Variants in MED6 observed in about 807,000 individuals in gnomAD.
MED6 encodes the protein mediator complex subunit 6.
A neutral mutation model predicts 37.5 loss-of-function variants in MED6; 33 were observed. That is an observed-to-expected ratio of 0.88 (90% CI 0.67 to 1.18). The LOEUF is 1.18. Among genes scored for constraint, MED6 ranks in the 50% most tolerant of loss-of-function variants. The pLI is 0.00. For synonymous variants in MED6, 94 were observed against 93.6 expected, an observed-to-expected ratio of 1.00 and a Z score of -0.02; for missense variants, 235 against 290.6, an observed-to-expected ratio of 0.81 and a Z score of 1.39.
intron 3 of MED6, chr14:70,596,386 C>T: frequency 2.5e-6 from 1 of 408,012 alleles, no homozygotes; most frequent in Non-Finnish European, 4.5e-6. Flanking sequence ...TGTCTTTTTC[C>T]AGTACTAATC....
At chr14:70,594,986 G>C in intron 3 of MED6, 1 of 590,788 alleles carries the variant, frequency 1.7e-6, no homozygotes, top group South Asian at 1.4e-5. Context: ...ATCTTCTCAA[G>C]TACTGTGGAC....
intron 3 of MED6, chr14:70,594,622 G>A: frequency 2.4e-6 from 1 of 418,844 alleles, no homozygotes; most frequent in Admixed American, 2.8e-5. Flanking sequence ...CCCAGCTGCG[G>A]CACCCAGCCA....
At chr14:70,590,162 T>C (rs1311153771) in intron 6 of MED6, among the ~76,000 whole-genome samples, 1 of 152,234 alleles carries the variant, frequency 6.6e-6, no homozygotes, top group East Asian at 1.9e-4. Flanking sequence ...TAGTCACATG[T>C]GCCTCGTGGT....
At position 70,597,018 on chromosome 14, in the gene MED6, C is replaced by T. The variant is rs555192353; in HGVS notation, c.183-316G>A. Among the ~76,000 whole-genome samples the T allele has an allele frequency of 9.2e-5, 14 of 152,310 alleles. No homozygotes were observed. The South Asian group carries it at 2.7e-3, about 29-fold the overall frequency. On this transcript the variant is annotated intron_variant, in intron 2 of 7. Coordinates refer to ENST00000256379, the MANE Select transcript of MED6 (RefSeq NM_005466.4). ...AAAAGGCAATCAAAATGCCATGATG[C>T]TTCCTGACCAAATCTACGAATACAT... is the stretch of plus-strand genomic sequence containing the variant.
In MED6 at chr14:70,584,720, G is replaced by C; in HGVS notation, c.*93C>G. ...AAGCGCATTCCATACAAATAAGAAG[G>C]TTACAATAAAGTACTTCAAAGCTCA... is the stretch of plus-strand genomic sequence containing the variant. On this transcript the variant is annotated 3_prime_UTR_variant, in exon 8 of 8. Transcript: ENST00000256379. The C allele has an allele frequency of 1.4e-6, 2 of 1,446,030 alleles. No homozygotes were observed. Among genetic ancestry groups the C allele is most frequent in the Non-Finnish European group, 1.9e-6 (2 of 1,070,648 alleles). 89.6% of individuals were successfully genotyped at this position (1,446,030 alleles called of 1,614,324 possible).
Position 70,600,601 on chromosome 14 carries a change from A to G in MED6, c.22+15T>C. On this transcript the variant is annotated intron_variant, in intron 1 of 7. Transcript: ENST00000256379. ...CACAGACAATCAAGAGACAAAATAT[A>G]GCAATACAGTATACCTCGGATATCC... The G allele has an allele frequency of 6.2e-7, 1 of 1,613,328 alleles. No individual in the cohort carries two copies. Among genetic ancestry groups the G allele is most frequent in the Non-Finnish European group, 8.5e-7 (1 of 1,179,832 alleles).
Position 70,593,005 on chromosome 14 carries a change from A to G in MED6, c.358-17T>C, listed in dbSNP as rs907352746. 12 of 1,612,512 alleles carry G rather than the reference A, an allele frequency of 7.4e-6. No homozygotes were observed. The African/African-American group carries it at 1.5e-4, about 20-fold the overall frequency. On this transcript the variant is annotated splice_polypyrimidine_tract_variant and intron_variant, in intron 4 of 7. Coordinates refer to ENST00000256379, the MANE Select transcript of MED6 (RefSeq NM_005466.4). ...TGCAGTAAGCTTGTAAAAGGAAAAT[A>G]AACTCTAAATTTATCATTAGGTCGA...
At chr14:70,600,229 G>A (rs925039149) in intron 1 of MED6, among the ~76,000 whole-genome samples, 2 of 152,134 alleles carry the variant, frequency 1.3e-5, no homozygotes, top group African/African-American at 4.8e-5. Flanking sequence ...CAGCCACCAT[G>A]CCAAGTCCCA....
chr14:70,590,637 G>A (rs1176568221), intron 6 of MED6, among the ~76,000 whole-genome samples: 1 of 152,198 alleles, frequency 6.6e-6, no homozygotes, highest in Non-Finnish European at 1.5e-5. Flanking sequence ...GACTAGCCAT[G>A]AGAACAGCAT....
intron 2 of MED6, among the ~76,000 whole-genome samples, chr14:70,596,916 T>A (rs1457562823): frequency 6.6e-6 from 1 of 152,186 alleles, no homozygotes; most frequent in Non-Finnish European, 1.5e-5. Context: ...ACAACAAAAT[T>A]TCTCTACAAC....
intron 6 of MED6, 83 bp downstream of exon 6, chr14:70,591,183 T>G (rs55831916): frequency 9.3e-7 from 1 of 1,078,764 alleles, no homozygotes; most frequent in African/African-American, 1.6e-5. Flanking sequence ...TTAGGTCACA[T>G]CTGAAACAGT....
rs56322329 is a variant in MED6 at position 70,584,075 on chromosome 14, T to C, written c.*738A>G. On this transcript the variant is annotated 3_prime_UTR_variant, in exon 8 of 8. Transcript: ENST00000256379. ...GTATTGGTGAGTGAGGTTTTTCCTT[T>C]TCTTCATCTTCCAAAATGTCAGCAA... 23,487 of 629,446 alleles carry C rather than the reference T, an allele frequency of 0.037. 772 individuals are homozygous for C. Among genetic ancestry groups the C allele is most frequent in the African/African-American group, 0.13 (7,013 of 54,936 alleles). 39.0% of individuals were successfully genotyped at this position (629,446 alleles called of 1,614,324 possible). A position where few individuals can be genotyped will look rare whatever the true frequency, so the allele number is the denominator to read the frequency against.
chr14:70,585,864 T>C, intron 6 of MED6, 81 bp from the exon 7 acceptor site: 1 of 1,074,786 alleles, frequency 9.3e-7, no homozygotes, highest in African/African-American at 1.6e-5. Flanking sequence ...TTCTTCTTCC[T>C]GATGTCATAT....
At position 70,584,017 on chromosome 14, in the gene MED6, T is replaced by C; in HGVS notation, c.*796A>G. On this transcript the variant is annotated 3_prime_UTR_variant, in exon 8 of 8. Transcript: ENST00000256379. ...TCTACACACAGAATAAGATTAAAAT[T>C]CACAACACTGTTACAGTATTTATAG... is the stretch of plus-strand genomic sequence containing the variant. The C allele has an allele frequency of 2.2e-6, 1 of 464,628 alleles. No homozygotes were observed. The highest frequency in any genetic ancestry group is 3.8e-6 in the Non-Finnish European group (1 of 263,332). The allele number at this position is 464,628 out of a possible 1,614,324, so 28.8% of individuals were successfully genotyped here.
chr14:70,588,701 A>C (rs1343103824), intron 6 of MED6, among the ~76,000 whole-genome samples: 2 of 71,596 alleles, frequency 2.8e-5, no homozygotes, highest in African/African-American at 3.4e-4. Context: ...TAATAATAAT[A>C]ATAATAATAA....
intron 2 of MED6, among the ~76,000 whole-genome samples, chr14:70,597,360 G>A (rs867629886): frequency 6.6e-6 from 1 of 152,168 alleles, no homozygotes; most frequent in Non-Finnish European, 1.5e-5. Context: ...AATAACAGTA[G>A]CATTGCCAAA....
In MED6 at chr14:70,587,537, G is replaced by C. The variant is rs866695608; in HGVS notation, c.583-1754C>G. ...GAGGAGAGTAAAAAATTTGAAAAGGGGGATTTTTCTACTGTCAGCACTGAA... is the reference window on the plus strand; with the variant it reads ...GAGGAGAGTAAAAAATTTGAAAAGGCGGATTTTTCTACTGTCAGCACTGAA... On this transcript the variant is annotated intron_variant, in intron 6 of 7. Coordinates refer to ENST00000256379, the MANE Select transcript of MED6 (RefSeq NM_005466.4). Among the ~76,000 whole-genome samples the C allele has an allele frequency of 5.3e-5, 8 of 152,094 alleles. 1 individual carries two copies. The South Asian group carries it at 1.5e-3, about 28-fold the overall frequency.
At chr14:70,595,622 GT>G in intron 3 of MED6, 1 of 857,802 alleles carries the variant, frequency 1.2e-6, no homozygotes, top group African/African-American at 1.6e-5. Context: ...AGGCCCAGGA[GT>G]ACAAGGCCCT....
At chr14:70,595,915 C>G (rs1269700795) in intron 3 of MED6, 10 of 525,280 alleles carry the variant, frequency 1.9e-5, no homozygotes, top group East Asian at 1.9e-4. Flanking sequence ...ACTTGGGATG[C>G]TTGACGTTCA....
Sources: allele counts gnomAD v4.1 joint callset (sites outside exome capture counted in the v4.1 genomes callset), GRCh38; gene constraint gnomAD v4.1.1; transcripts MANE v1.5; gene names NCBI Gene and HGNC (gene_info 2026-07-23, HGNC 2026-07-21).